Variants in KLRF1 observed in about 807,000 individuals in gnomAD.
KLRF1 encodes the protein killer cell lectin-like receptor subfamily F member 1.
Under a neutral mutation model 30.7 loss-of-function variants are expected in KLRF1, and 27 were observed. That is an observed-to-expected ratio of 0.88 (90% CI 0.65 to 1.21). The LOEUF (loss-of-function observed/expected upper bound fraction) is 1.21. Among genes scored for constraint, KLRF1 ranks in the 50% most tolerant of loss-of-function variants. KLRF1 has a pLI of 0.00. For missense variants in KLRF1, 246 were observed against 259.3 expected (o/e 0.95, Z 0.35); for synonymous variants, 92 against 89.3 (o/e 1.03, Z -0.17).
chr12:9,838,552 G>A (rs1052363388), intron 3 of KLRF1, among the ~76,000 whole-genome samples: 2 of 152,126 alleles, frequency 1.3e-5, no homozygotes, highest in Non-Finnish European at 2.9e-5. Flanking sequence ...ACCACGTAGT[G>A]GAAAACAGTC....
the KLRF1 span, chr12:9,818,072 A>G: frequency 2.8e-4 from 59 of 208,706 alleles, no homozygotes; most frequent in African/African-American, 1.3e-3. Flanking sequence ...TGGGCTGCAC[A>G]TAACAACACT....
At chr12:9,807,364 C>T in the KLRF1 span, among the ~76,000 whole-genome samples, 1 of 151,986 alleles carries the variant, frequency 6.6e-6, no homozygotes, top group African/African-American at 2.4e-5. Flanking sequence ...ACTTACTATT[C>T]TGAGTTTTCC....
At chr12:9,842,005 C>T (rs1867713915) in intron 4 of KLRF1, 54 bp downstream of exon 4, 1 of 1,500,484 alleles carries the variant, frequency 6.7e-7, no homozygotes, top group Non-Finnish European at 9.0e-7. Flanking sequence ...AATGGCTTTC[C>T]TCAAATATCT....
chr12:9,833,162 G>GAATTTTAATTTA, intron 2 of KLRF1, 141 bp from the exon 3 acceptor site: 1 of 508,398 alleles, frequency 2.0e-6, no homozygotes, highest in Non-Finnish European at 3.3e-6. Flanking sequence ...TCCATCAGTA[G>GAATTTTAATTTA]ACATGAAAAT....
chr12:9,820,907 C>T, the KLRF1 span, among the ~76,000 whole-genome samples: 1 of 152,172 alleles, frequency 6.6e-6, no homozygotes, highest in Non-Finnish European at 1.5e-5. Context: ...AGAACTTACA[C>T]CCCCTAACTC....
chr12:9,831,509 G>T (rs1258107346), intron 1 of KLRF1, among the ~76,000 whole-genome samples: 1 of 151,962 alleles, frequency 6.6e-6, no homozygotes, highest in Non-Finnish European at 1.5e-5. Context: ...TACAATAGAG[G>T]ATTCTTATCA....
chr12:9,838,430 A>G (rs985535540), intron 3 of KLRF1, among the ~76,000 whole-genome samples: 4 of 152,106 alleles, frequency 2.6e-5, no homozygotes, highest in African/African-American at 9.7e-5. Flanking sequence ...CATTTTGCTA[A>G]AAGATGCTTT....
the KLRF1 span, among the ~76,000 whole-genome samples, chr12:9,820,773 G>A: frequency 0.011 from 1,721 of 152,292 alleles, 37 homozygotes; most frequent in African/African-American, 0.039. Context: ...CTCCACCACT[G>A]CAGTTGCAGC....
At chr12:9,809,995 C>T in the KLRF1 span, among the ~76,000 whole-genome samples, 2 of 152,022 alleles carry the variant, frequency 1.3e-5, no homozygotes, top group Non-Finnish European at 2.9e-5. Flanking sequence ...GATAAATCTG[C>T]AAGAAACAAG....
upstream of KLRF1, among the ~76,000 whole-genome samples, chr12:9,823,512 G>A (rs1457560999): frequency 1.3e-5 from 2 of 151,992 alleles, no homozygotes; most frequent in African/African-American, 2.4e-5. Flanking sequence ...AACTTATAGC[G>A]CTAAACGCCT....
chr12:9,814,504 G>A, the KLRF1 span, among the ~76,000 whole-genome samples: 1 of 152,174 alleles, frequency 6.6e-6, no homozygotes, highest in Non-Finnish European at 1.5e-5. Flanking sequence ...CACTGCCCAG[G>A]GGCCTGGGGA....
the KLRF1 span, among the ~76,000 whole-genome samples, chr12:9,811,505 G>A: frequency 2.6e-5 from 4 of 152,052 alleles, no homozygotes; most frequent in African/African-American, 7.2e-5. Flanking sequence ...TGCAGAGCCC[G>A]TTATACTCAC....
At chr12:9,824,181 G>A (rs1246552295), upstream of KLRF1, among the ~76,000 whole-genome samples, 3 of 151,946 alleles carry the variant, frequency 2.0e-5, no homozygotes, top group Non-Finnish European at 1.5e-5. Flanking sequence ...AAGAAAACTC[G>A]AGGCCGGCAT....
rs1047788414 is a variant in KLRF1 at position 9,827,633 on chromosome 12, T to C, written c.85+4T>C. 21 of 1,573,058 alleles carry C rather than the reference T, an allele frequency of 1.3e-5. No homozygotes were observed. Among genetic ancestry groups the C allele is most frequent in the Non-Finnish European group, 1.7e-5 (20 of 1,145,276 alleles). On this transcript the variant is annotated splice_donor_region_variant and intron_variant, in intron 1 of 5. Coordinates refer to ENST00000617889, the MANE Select transcript of KLRF1 (RefSeq NM_016523.3). ...ACATCTCAACTTACATTTAAAGGTA[T>C]GGAATTTAATTTCATTTTTTCAATT...
intron 1 of KLRF1, among the ~76,000 whole-genome samples, chr12:9,830,255 A>G (rs1159218228): frequency 1.3e-5 from 2 of 152,054 alleles, no homozygotes; most frequent in Non-Finnish European, 2.9e-5. Context: ...TGATTTTAGT[A>G]TGTTATTTTT....
At chr12:9,816,684 G>T in the KLRF1 span, among the ~76,000 whole-genome samples, 1 of 150,944 alleles carries the variant, frequency 6.6e-6, no homozygotes, top group Non-Finnish European at 1.5e-5. Flanking sequence ...CAGTAGCCCT[G>T]GTTTTTAAGT....
the KLRF1 span, among the ~76,000 whole-genome samples, chr12:9,805,901 G>A: frequency 6.6e-6 from 1 of 151,556 alleles, no homozygotes; most frequent in Non-Finnish European, 1.5e-5. Context: ...TGATTTTGGT[G>A]GTATTTTCCG....
chr12:9,810,361 G>C, the KLRF1 span, among the ~76,000 whole-genome samples: 2 of 152,216 alleles, frequency 1.3e-5, no homozygotes, highest in Middle Eastern at 3.4e-3. Context: ...AGAATAACTA[G>C]GGCTTATCTT....
chr12:9,806,777 G>A, the KLRF1 span, among the ~76,000 whole-genome samples: 1 of 151,966 alleles, frequency 6.6e-6, no homozygotes, highest in African/African-American at 2.4e-5. Flanking sequence ...AACCTCTTGG[G>A]CTCAAGCAAT....
Sources: allele counts gnomAD v4.1 joint callset (sites outside exome capture counted in the v4.1 genomes callset), GRCh38; gene constraint gnomAD v4.1.1; transcripts MANE v1.5; gene names NCBI Gene and HGNC (gene_info 2026-07-23, HGNC 2026-07-21).